SNX31: variants seen among roughly 807,000 people sequenced by gnomAD.
SNX31 encodes sorting nexin-31.
In SNX31, 58 loss-of-function variants were observed where a neutral mutation model predicts 65.4. The observed-to-expected ratio is 0.89, with a 90% CI of 0.72 to 1.10. The LOEUF (loss-of-function observed/expected upper bound fraction) is 1.10. Among genes scored for constraint, SNX31 ranks in the 50% least tolerant of loss-of-function variants. The pLI is 0.00. For missense variants in SNX31, 523 were observed against 529.7 expected, an observed-to-expected ratio of 0.99 and a Z score of 0.12; for synonymous variants, 181 against 190.1, an observed-to-expected ratio of 0.95 and a Z score of 0.39.
intron 4 of SNX31, chr8:100,618,290 T>A: frequency 6.6e-7 from 1 of 1,520,626 alleles, no homozygotes; most frequent in East Asian, 2.4e-5. Context: ...AAACAGCTTT[T>A]GATAAAGTCT....
Position 100,600,360 on chromosome 8 carries a change from T to A in SNX31, c.763A>T (p.Ser255Cys). The change falls in exon 9 of 14, where the codon AGT (serine) becomes TGT (cysteine). Residue 255 changes from serine to cysteine, a missense_variant. Ser to Cys is a moderately radical substitution (Grantham distance 112, BLOSUM62 -1). Coordinates refer to ENST00000311812, the MANE Select transcript of SNX31 (RefSeq NM_152628.4). ...QKLEAFQKEDSQTKFLELARE... is the reference protein window; with the variant it reads ...QKLEAFQKEDCQTKFLELARE... ...AATATTTGATTCACCTTTGTTTGAC[T>A]GTCTTCTTTCTGGAAAGCTTCTAAT... 1 of 1,613,568 alleles carries A rather than the reference T, an allele frequency of 6.2e-7. No individual in the cohort carries two copies. The highest frequency in any genetic ancestry group is 8.5e-7 in the Non-Finnish European group (1 of 1,179,678).
Position 100,630,495 on chromosome 8 carries a change from G to A in SNX31, c.257-104C>T, listed in dbSNP as rs969846504. ...TCCCTCCATGCCTTGCCAGTGCTCT[G>A]TCTCCTCCCTGAAGTGATAAATGTT... On this transcript the variant is annotated intron_variant, in intron 3 of 13. Coordinates refer to ENST00000311812, the MANE Select transcript of SNX31 (RefSeq NM_152628.4). This position sits in a 1 kb window ranked among gnomAD's most constrained non-coding sequence, Gnocchi z 5.3. The A allele has an allele frequency of 5.6e-6, 5 of 897,608 alleles. No homozygotes were observed. The African/African-American group carries it at 6.9e-5, about 12-fold the overall frequency. 55.6% of individuals were successfully genotyped at this position (897,608 alleles called of 1,614,324 possible).
chr8:100,635,882 C>T lies in SNX31; in HGVS notation c.256+15G>A, dbSNP rs2187017. 1.3e-6 allele frequency: 2 copies of T among 1,573,818 alleles called. No individual in the cohort carries two copies. The highest frequency in any genetic ancestry group is 1.7e-4 in the Middle Eastern group (1 of 5,970). On this transcript the variant is annotated intron_variant, in intron 3 of 13. Coordinates refer to ENST00000311812, the MANE Select transcript of SNX31 (RefSeq NM_152628.4). ...GCAATAAATCTGTTTTTTAAAAAAC[C>T]CTGCAAATACATACCATTTTGCAAA...
At position 100,607,486 on chromosome 8, in the gene SNX31, A is replaced by G. The variant is rs184496378; in HGVS notation, c.681+1008T>C. On this transcript the variant is annotated intron_variant, in intron 8 of 13. Coordinates refer to ENST00000311812, the MANE Select transcript of SNX31 (RefSeq NM_152628.4). ...GGGGTAGGAGTAGGTAGGGCCAACT[A>G]CATAATTTTCAGGGTCTACCTAGTG... Among the ~76,000 whole-genome samples the G allele has an allele frequency of 2.5e-3, 388 of 152,342 alleles. 1 individual carries two copies. The highest frequency in any genetic ancestry group is 4.4e-3 in the Admixed American group (67 of 15,306).
upstream of SNX31, among the ~76,000 whole-genome samples, chr8:100,650,036 T>G (rs1819914397): frequency 6.8e-6 from 1 of 147,704 alleles, no homozygotes; most frequent in South Asian, 2.2e-4. Context: ...TCTTTCAATC[T>G]TGTTTTTTCC....
Position 100,649,429 on chromosome 8 carries a change from GA to G in SNX31, c.66+19del. The stretch of plus-strand genomic sequence containing the variant: ...CACCGGCCCCCTCCCTGCCCACCCT[GA>G]CCCCAGCCCTGGGCGCACCACGTAG... On this transcript the variant is annotated intron_variant, in intron 1 of 13. Transcript: ENST00000311812. 6.4e-7 allele frequency: 1 copy of G among 1,571,250 alleles called. No homozygotes were observed. Among genetic ancestry groups the G allele is most frequent in the African/African-American group, 1.4e-5 (1 of 74,038 alleles).
intron 1 of SNX31, among the ~76,000 whole-genome samples, chr8:100,661,622 GGGCTCAA>G (rs1352026199): frequency 4.6e-5 from 7 of 152,064 alleles, no homozygotes; most frequent in Non-Finnish European, 5.9e-5. Flanking sequence ...TCGACCGCCT[GGGCTCAA>G]GTCATCCTCT....
At chr8:100,580,716 T>C (rs1299078645) in intron 12 of SNX31, among the ~76,000 whole-genome samples, 1 of 152,206 alleles carries the variant, frequency 6.6e-6, no homozygotes, top group African/African-American at 2.4e-5. Flanking sequence ...GTTGATATTA[T>C]GGAGCCACCC....
chr8:100,647,635 C>A (rs1454227636), intron 2 of SNX31, among the ~76,000 whole-genome samples: 2 of 152,154 alleles, frequency 1.3e-5, no homozygotes, highest in Non-Finnish European at 2.9e-5. Flanking sequence ...GGCTGACATC[C>A]ATAAGGACCC....
rs1048927152 is a variant in SNX31, at chr8:100,594,171, G to T, written c.978+2468C>A. On this transcript the variant is annotated intron_variant, in intron 10 of 13. Transcript: ENST00000311812. This position sits in a 1 kb window ranked among gnomAD's most constrained non-coding sequence, Gnocchi z 4.0. Reference sequence around the variant, plus strand: ...TACAAAAAATTAGCCCTGCCTGGTGGTGCATGCCTGTAATCCCAGCTACTT... The same window carrying T: ...TACAAAAAATTAGCCCTGCCTGGTGTTGCATGCCTGTAATCCCAGCTACTT... 6.6e-6 allele frequency among the ~76,000 whole-genome samples: 1 copy of T among 152,118 alleles called. No homozygotes were observed. Among genetic ancestry groups the T allele is most frequent in the Admixed American group, 6.6e-5 (1 of 15,260 alleles).
intron 8 of SNX31, among the ~76,000 whole-genome samples, chr8:100,605,454 AAAG>A (rs1816059811): frequency 6.6e-6 from 1 of 152,138 alleles, no homozygotes; most frequent in East Asian, 1.9e-4. Flanking sequence ...TGATGATGAT[AAAG>A]ATTATTATGA....
Position 100,612,132 on chromosome 8 carries a change from A to G in SNX31, c.524-45T>C. The G allele has an allele frequency of 1.6e-6, 2 of 1,280,642 alleles. No homozygotes were observed. Among genetic ancestry groups the G allele is most frequent in the South Asian group, 1.2e-5 (1 of 83,094 alleles). The allele number at this position is 1,280,642 out of a possible 1,614,324, so 79.3% of individuals were successfully genotyped here. On this transcript the variant is annotated intron_variant, in intron 6 of 13. Transcript: ENST00000311812. This position sits in a 1 kb window ranked among gnomAD's most constrained non-coding sequence, Gnocchi z 4.3. ...GGTCTTACTGGTTGAAACAGCACAG[A>G]CAGCTTATATATAGCAGCTTTCAAA...
chr8:100,593,959 C>T (rs902949000), intron 10 of SNX31, among the ~76,000 whole-genome samples: 5 of 152,058 alleles, frequency 3.3e-5, no homozygotes, highest in Non-Finnish European at 7.4e-5. Flanking sequence ...TAGATTTAAT[C>T]AAAATGAAAC....
chr8:100,575,764 T>A lies in SNX31; in HGVS notation c.1227+1255A>T, dbSNP rs575281417. ...AGAACTGGTGTTCTAGGATAATGGT[T>A]CCAATTCTGGTTGTATAATAGGACC... On this transcript the variant is annotated intron_variant, in intron 13 of 13. Transcript: ENST00000311812. This position sits in a 1 kb window ranked among gnomAD's most constrained non-coding sequence, Gnocchi z 5.1. Among the ~76,000 whole-genome samples, 2 of 152,324 alleles carry A rather than the reference T, an allele frequency of 1.3e-5. No homozygotes were observed. Among genetic ancestry groups the A allele is most frequent in the East Asian group, 3.9e-4 (2 of 5,192 alleles).
At chr8:100,638,947 C>T (rs1818963411) in intron 2 of SNX31, among the ~76,000 whole-genome samples, 1 of 152,146 alleles carries the variant, frequency 6.6e-6, no homozygotes, top group East Asian at 1.9e-4. Context: ...AGGAGTCAGT[C>T]TGGAAAAGCT....
At chr8:100,633,787 C>CAAATGTA (rs1174062100) in intron 3 of SNX31, among the ~76,000 whole-genome samples, 1 of 151,962 alleles carries the variant, frequency 6.6e-6, no homozygotes, top group East Asian at 1.9e-4. Flanking sequence ...AATGATAAGA[C>CAAATGTA]AAATGTAAAA....
At chr8:100,621,736 A>G in intron 4 of SNX31, among the ~76,000 whole-genome samples, 1 of 152,166 alleles carries the variant, frequency 6.6e-6, no homozygotes, top group East Asian at 1.9e-4. Flanking sequence ...ACCCTCCAAC[A>G]TCCTAACATT....
chr8:100,641,468 C>CT (rs969325151), intron 2 of SNX31, among the ~76,000 whole-genome samples: 1 of 139,860 alleles, frequency 7.2e-6, no homozygotes, highest in Admixed American at 7.5e-5. Context: ...GAGCTGGAGA[C>CT]TTCAAGGCTA....
upstream of SNX31, among the ~76,000 whole-genome samples, chr8:100,652,834 G>A (rs1463086397): frequency 1.3e-5 from 2 of 152,006 alleles, no homozygotes; most frequent in Non-Finnish European, 2.9e-5. Context: ...ATAATGTCTG[G>A]TGCTCTACAC....
Sources: gnomAD v4.1 joint callset for allele counts (sites outside exome capture counted in the v4.1 genomes callset) on GRCh38, gnomAD v4.1.1 for gene constraint, Gnocchi (gnomAD v3.1) non-coding constraint, MANE v1.5 for transcripts, NCBI Gene and HGNC (gene_info 2026-07-23, HGNC 2026-07-21) for gene names.